MAP3K13: variants seen among roughly 807,000 people sequenced by gnomAD.
The protein encoded by MAP3K13 is mitogen-activated protein kinase kinase kinase 13.
A neutral mutation model predicts 104.0 loss-of-function variants in MAP3K13; 52 were observed. The observed-to-expected ratio is 0.50, with a 90% CI of 0.40 to 0.63. MAP3K13 has a LOEUF of 0.63. MAP3K13 is among the 20% of genes least tolerant of loss of function. The probability of loss-of-function intolerance (pLI) is 0.00; values close to 1 mark genes in which losing one functional copy is unlikely to be tolerated. For synonymous variants in MAP3K13, 394 were observed against 442.2 expected (o/e 0.89, Z 1.37); for missense variants, 914 against 1,218.5 (o/e 0.75, Z 3.72).
chr3:185,481,197 G>T (rs1203897399), intron 13 of MAP3K13: 3 of 152,910 alleles, frequency 2.0e-5, no homozygotes, highest in Admixed American at 1.3e-4. Context: ...CTGAGCCCAG[G>T]TCAGGTGTGG....
intron 1 of MAP3K13, among the ~76,000 whole-genome samples, chr3:185,402,421 A>G (rs1712867299): frequency 6.6e-6 from 1 of 151,930 alleles, no homozygotes; most frequent in Non-Finnish European, 1.5e-5. Context: ...CTCTTTACCT[A>G]TTACCATGTA....
chr3:185,422,872 G>A (rs1187951074), intron 1 of MAP3K13, among the ~76,000 whole-genome samples: 1 of 152,196 alleles, frequency 6.6e-6, no homozygotes, highest in African/African-American at 2.4e-5. Flanking sequence ...AGCGAGCAGA[G>A]CTTCCTCTGT....
intron 2 of MAP3K13, among the ~76,000 whole-genome samples, chr3:185,346,205 G>A (rs1271069865): frequency 6.6e-6 from 1 of 152,058 alleles, no homozygotes; most frequent in Non-Finnish European, 1.5e-5. Context: ...AAATAATTTG[G>A]TTAAAATAGC....
At chr3:185,422,531 C>T (rs188146212) in intron 1 of MAP3K13, among the ~76,000 whole-genome samples, 3 of 152,262 alleles carry the variant, frequency 2.0e-5, no homozygotes, top group Admixed American at 2.0e-4. Flanking sequence ...AAAAAAATTA[C>T]AAAACAAACA....
rs1332880464 is a variant in MAP3K13 at position 185,418,584 on chromosome 3, C to A, written c.-85-9913C>A. 110 of 1,612,292 alleles carry A rather than the reference C, an allele frequency of 6.8e-5. No homozygotes were observed. The highest frequency in any genetic ancestry group is 1.7e-4 in the Admixed American group (10 of 60,008). ...CCATAGCTCTGCCAGTACCCCAAGA[C>A]TCAGCACTGGTCTGATGACCTGCTA... On this transcript the variant is annotated intron_variant, in intron 1 of 13. Coordinates refer to ENST00000265026, the MANE Select transcript of MAP3K13 (RefSeq NM_004721.5). The surrounding 1 kb of genome is among the most constrained non-coding windows in gnomAD (Gnocchi z 4.5).
In MAP3K13 at chr3:185,315,258, A is replaced by G. The variant is rs1220548483; in HGVS notation, c.-86+29615A>G. The stretch of plus-strand genomic sequence containing the variant: ...GAGCAAGACTCCAACTCAAAAAAGA[A>G]AAAAAAAACTATAAATATATTACAC... On this transcript the variant is annotated intron_variant, in intron 2 of 14. Transcript: ENST00000424227. The surrounding 1 kb of genome is among the most constrained non-coding windows in gnomAD (Gnocchi z 4.3). Among the ~76,000 whole-genome samples, 1 of 151,786 alleles carries G rather than the reference A, an allele frequency of 6.6e-6. No homozygotes were observed. The highest frequency in any genetic ancestry group is 1.5e-5 in the Non-Finnish European group (1 of 67,936).
At chr3:185,294,730 G>A (rs1720859357) in intron 2 of MAP3K13, among the ~76,000 whole-genome samples, 1 of 152,146 alleles carries the variant, frequency 6.6e-6, no homozygotes, top group Admixed American at 6.6e-5. Flanking sequence ...CCAAAAAATG[G>A]CATTGGTATT....
At position 185,454,335 on chromosome 3, in the gene MAP3K13, G is replaced by T. The variant is rs1461569051; in HGVS notation, c.1278+2940G>T. 5.3e-5 allele frequency among the ~76,000 whole-genome samples: 4 copies of T among 75,960 alleles called. 1 individual carries two copies. Among genetic ancestry groups the T allele is most frequent in the Non-Finnish European group, 7.4e-5 (3 of 40,740 alleles). The allele number at this position is 75,960 out of a possible 152,430, so 49.8% of individuals were successfully genotyped here. Reference sequence around the variant, plus strand: ...TATGAGATATATATGAGATATATATGATATATATGAGATATATGAGATATA... The same window carrying T: ...TATGAGATATATATGAGATATATATTATATATATGAGATATATGAGATATA... On this transcript the variant is annotated intron_variant, in intron 7 of 13. Coordinates refer to ENST00000265026, the MANE Select transcript of MAP3K13 (RefSeq NM_004721.5).
At position 185,418,456 on chromosome 3, in the gene MAP3K13, C is replaced by A; in HGVS notation, c.-85-10041C>A. The A allele has an allele frequency of 6.2e-7, 1 of 1,610,972 alleles. No individual in the cohort carries two copies. Among genetic ancestry groups the A allele is most frequent in the Non-Finnish European group, 8.5e-7 (1 of 1,178,956 alleles). On this transcript the variant is annotated intron_variant, in intron 1 of 13. Coordinates refer to ENST00000265026, the MANE Select transcript of MAP3K13 (RefSeq NM_004721.5). This position sits in a 1 kb window ranked among gnomAD's most constrained non-coding sequence, Gnocchi z 4.5. ...GTTCACTCTACGATGCCAACGGCGC[C>A]AGGTTTTGGTTGGTGCAAACCTTCG...
At chr3:185,405,785 G>A (rs1013037341) in intron 1 of MAP3K13, among the ~76,000 whole-genome samples, 5 of 152,150 alleles carry the variant, frequency 3.3e-5, no homozygotes, top group African/African-American at 1.2e-4. Flanking sequence ...CATTGTACTT[G>A]CTTACTTGCT....
intron 2 of MAP3K13, among the ~76,000 whole-genome samples, chr3:185,432,333 GGC>G (rs1714791445): frequency 3.9e-5 from 6 of 151,926 alleles, no homozygotes; most frequent in Non-Finnish European, 8.8e-5. Context: ...TGGGATTACA[GGC>G]GTGTGCCACC....
At chr3:185,389,796 GTTAAGTAT>G (rs774721374) in intron 1 of MAP3K13, among the ~76,000 whole-genome samples, 19 of 85,372 alleles carry the variant, frequency 2.2e-4, no homozygotes, top group Non-Finnish European at 4.6e-4. Context: ...CAAAAAATTT[GTTAAGTAT>G]TTATTAATTT....
intron 2 of MAP3K13, among the ~76,000 whole-genome samples, chr3:185,303,145 CAT>C (rs1419054755): frequency 6.6e-6 from 1 of 152,110 alleles, no homozygotes; most frequent in East Asian, 1.9e-4. Flanking sequence ...TGATTGATTT[CAT>C]ATGTTAAGCC....
chr3:185,332,209 A>G (rs1722310706), intron 2 of MAP3K13, among the ~76,000 whole-genome samples: 1 of 116,304 alleles, frequency 8.6e-6, no homozygotes, highest in South Asian at 3.1e-4. Context: ...TTCTTTAGGG[A>G]TTGTACCAAT....
intron 1 of MAP3K13, among the ~76,000 whole-genome samples, chr3:185,408,933 T>C (rs927490548): frequency 2.6e-5 from 4 of 152,290 alleles, no homozygotes; most frequent in South Asian, 2.1e-4. Context: ...CACTACCACA[T>C]TGGGCATCAT....
Position 185,482,327 on chromosome 3 carries a change from G to C in MAP3K13, c.2800-28G>C. On this transcript the variant is annotated intron_variant, in intron 13 of 13. Transcript: ENST00000265026. The surrounding 1 kb of genome is among the most constrained non-coding windows in gnomAD (Gnocchi z 4.5). ...ATATTTACTGAGTGATTATCGAAAT[G>C]AATTAAGGTTTTGTCTTGCCTTTGC... 6.7e-7 allele frequency: 1 copy of C among 1,493,176 alleles called. No homozygotes were observed. The highest frequency in any genetic ancestry group is 1.1e-5 in the South Asian group (1 of 88,526). The allele number at this position is 1,493,176 out of a possible 1,614,324, so 92.5% of individuals were successfully genotyped here.
rs776566598 is a variant in MAP3K13, at chr3:185,473,691, A to G, written c.2360A>G (p.Glu787Gly). The G allele has an allele frequency of 5.6e-6, 9 of 1,614,014 alleles. No individual in the cohort carries two copies. Among genetic ancestry groups the G allele is most frequent in the Non-Finnish European group, 1.7e-6 (2 of 1,180,040 alleles). ...AATGAATTCAGCGGCTGTAGGTCTG[A>G]GTCATCCCTCGGCACCTCTCATCTC... is the stretch of plus-strand genomic sequence containing the variant. The part of the protein sequence containing the change: ...EENEFSGCRS[E>G]SSLGTSHLGT... Residue 787 changes from glutamate to glycine, a missense_variant, in exon 11 of 14, where the codon GAG becomes GGG. Coordinates refer to ENST00000265026, the MANE Select transcript of MAP3K13 (RefSeq NM_004721.5). The surrounding 1 kb of genome is among the most constrained non-coding windows in gnomAD (Gnocchi z 4.9).
At position 185,363,188 on chromosome 3, in the gene MAP3K13, C is replaced by T; in HGVS notation, c.-266C>T. 2 of 985,320 alleles carry T rather than the reference C, an allele frequency of 2.0e-6. No individual in the cohort carries two copies. The highest frequency in any genetic ancestry group is 2.4e-6 in the Non-Finnish European group (2 of 829,922). 61.0% of individuals were successfully genotyped at this position (985,320 alleles called of 1,614,324 possible). A position where few individuals can be genotyped will look rare whatever the true frequency, so the allele number is the denominator to read the frequency against. ...CGGAATCCTAAACCAGCCCAATTTA[C>T]ATCCATTCATGAATCTGTGACGTCA... On this transcript the variant is annotated 5_prime_UTR_variant, in exon 1 of 14. Coordinates refer to ENST00000265026, the MANE Select transcript of MAP3K13 (RefSeq NM_004721.5).
chr3:185,293,625 A>T (rs1560036314), intron 2 of MAP3K13, among the ~76,000 whole-genome samples: 1 of 152,072 alleles, frequency 6.6e-6, no homozygotes, highest in African/African-American at 2.4e-5. Flanking sequence ...GGGTTTCATC[A>T]TGTTACCCAG....
Sources: gnomAD v4.1 joint callset for allele counts (sites outside exome capture counted in the v4.1 genomes callset) on GRCh38, gnomAD v4.1.1 for gene constraint, Gnocchi (gnomAD v3.1) non-coding constraint, MANE v1.5 for transcripts, NCBI Gene and HGNC (gene_info 2026-07-23, HGNC 2026-07-21) for gene names.